Variants in NPIPB4 observed in about 807,000 individuals in gnomAD.
The protein encoded by NPIPB4 is nuclear pore complex-interacting protein family member B4.
For synonymous variants in NPIPB4, 31 were observed against 194.1 expected, an observed-to-expected ratio of 0.16 and a Z score of 6.99; for missense variants, 105 against 513.7, an observed-to-expected ratio of 0.20 and a Z score of 7.69.
At chr16:21,846,046 G>A (rs1328234890) in intron 3 of NPIPB4, among the ~76,000 whole-genome samples, 1 of 137,622 alleles carries the variant, frequency 7.3e-6, no homozygotes, top group South Asian at 2.6e-4. Context: ...ATGGTGGTGG[G>A]CACCTGCAAT....
At chr16:21,843,178 C>T (rs1157928298) in intron 5 of NPIPB4, among the ~76,000 whole-genome samples, 5 of 129,660 alleles carry the variant, frequency 3.9e-5, no homozygotes, top group Non-Finnish European at 6.5e-5. Flanking sequence ...ACTAGCAACT[C>T]CTCTTCCTCC....
chr16:21,850,503 G>A (rs897094841), intron 2 of NPIPB4, among the ~76,000 whole-genome samples: 3 of 151,788 alleles, frequency 2.0e-5, no homozygotes, highest in African/African-American at 7.3e-5. Context: ...ACAAAAATTA[G>A]CCAGGCGTGG....
intron 3 of NPIPB4, among the ~76,000 whole-genome samples, chr16:21,847,172 TA>T (rs1317043873): frequency 1.7e-4 from 8 of 46,112 alleles, no homozygotes; most frequent in Non-Finnish European, 3.2e-4. Context: ...GCACAAAGGT[TA>T]AAAAAACTTA....
At position 21,836,352 on chromosome 16, in the gene NPIPB4, C is replaced by T. The variant is rs200588171; in HGVS notation, c.2035G>A (p.Val679Ile). 606 of 571,678 alleles carry T rather than the reference C, an allele frequency of 1.1e-3. 1 individual carries two copies. Among genetic ancestry groups the T allele is most frequent in the African/African-American group, 6.6e-3 (110 of 16,596 alleles). The allele number at this position is 571,678 out of a possible 1,614,324, so 35.4% of individuals were successfully genotyped here. The change falls in exon 8 of 8, where the codon GTC (valine) becomes ATC (isoleucine). Residue 679 changes from valine (V) to isoleucine (I), a missense_variant. Physicochemically the swap from Val to Ile is conservative, Grantham distance 29. Coordinates refer to ENST00000682606, the MANE Select transcript of NPIPB4 (RefSeq NM_001384980.1). ...TGAGGGTGGAAGGGGAGTGAGCTGA[C>T]GCTCGGAAGGTGTCTTGAGATTATC... ...PMIISRHLPS[V>I]SSLPFHPQLH...
Position 21,837,210 on chromosome 16 carries a change from G to A in NPIPB4, c.1177C>T (p.Leu393Phe). The change falls in exon 8 of 8, where the codon CTC becomes TTC. Residue 393 changes from leucine (L) to phenylalanine (F), a missense_variant. Transcript: ENST00000682606. ...DNLKTPSERQ[L>F]TPLPPSAPPS... The stretch of plus-strand genomic sequence containing the variant: ...GGAGCTGAGGGTGGAAGGGGAGTGA[G>A]CTGACGCTCGGAAGGTGTCTTGAGA... 1 of 590,790 alleles carries A rather than the reference G, an allele frequency of 1.7e-6. No homozygotes were observed. The highest frequency in any genetic ancestry group is 2.5e-6 in the Non-Finnish European group (1 of 396,196). The allele number at this position is 590,790 out of a possible 1,614,324, so 36.6% of individuals were successfully genotyped here.
intron 2 of NPIPB4, among the ~76,000 whole-genome samples, chr16:21,850,546 G>A (rs778604605): frequency 0.042 from 6,159 of 145,148 alleles, 2 homozygotes; most frequent in South Asian, 0.11. Flanking sequence ...TTAGCCAGGC[G>A]TTGTAATCTG....
At chr16:21,840,506 A>T (rs1178742644) in intron 5 of NPIPB4, among the ~76,000 whole-genome samples, 2 of 150,280 alleles carry the variant, frequency 1.3e-5, no homozygotes, top group East Asian at 2.0e-4. Flanking sequence ...CTGGCATCTG[A>T]AGGCTGTGAT....
intron 2 of NPIPB4, among the ~76,000 whole-genome samples, chr16:21,850,456 C>G (rs1902411057): frequency 6.6e-6 from 1 of 152,104 alleles, no homozygotes; most frequent in East Asian, 1.9e-4. Context: ...GGAGACTATC[C>G]TGGCGAACAT....
Position 21,841,326 on chromosome 16 carries a change from C to T in NPIPB4, c.546-2016G>A, listed in dbSNP as rs375891430. Among the ~76,000 whole-genome samples, 1,175 of 135,294 alleles carry T rather than the reference C, an allele frequency of 8.7e-3. 22 individuals are homozygous for T. The highest frequency in any genetic ancestry group is 0.022 in the East Asian group (97 of 4,314). 88.8% of individuals were successfully genotyped at this position (135,294 alleles called of 152,430 possible). A position where few individuals can be genotyped will look rare whatever the true frequency, so the allele number is the denominator to read the frequency against. On this transcript the variant is annotated intron_variant, in intron 5 of 7. Transcript: ENST00000682606. ...TTCCCAGAACGCTAGGAAACAGGGG[C>T]GAAAACACTTCAAAGAGAAAGTTAA...
chr16:21,850,864 C>T (rs1416184572), intron 2 of NPIPB4, among the ~76,000 whole-genome samples: 1 of 23,976 alleles, frequency 4.2e-5, no homozygotes, highest in South Asian at 9.5e-4. Context: ...ATAACAGGTA[C>T]GCACCACCAG....
At position 21,836,020 on chromosome 16, in the gene NPIPB4, GC is replaced by G; in HGVS notation, c.2366del (p.Gly789AlafsTer8). On this transcript the variant is annotated frameshift_variant, in exon 8 of 8. Transcript: ENST00000682606. LOFTEE classifies it low-confidence loss of function (END_TRUNC). The stretch of plus-strand genomic sequence containing the variant: ...TTATCATCCGCTGAGGGTGGAAGCG[GC>G]CCCCGCAGACGCTCGGCAGGTGTCT... ...ISRHLPSVCG[G>X]RFHPQRMIIS... is the part of the protein sequence containing the mutation. 1 of 72,156 alleles carries G rather than the reference GC, an allele frequency of 1.4e-5. No individual in the cohort carries two copies. 4.5% of individuals were successfully genotyped at this position (72,156 alleles called of 1,614,324 possible).
At chr16:21,850,219 C>T (rs1166930753) in intron 2 of NPIPB4, among the ~76,000 whole-genome samples, 1 of 142,880 alleles carries the variant, frequency 7.0e-6, no homozygotes, top group Non-Finnish European at 1.6e-5. Context: ...TGATATTGCC[C>T]CATTGCACTC....
chr16:21,850,603 C>T (rs1288825280), intron 2 of NPIPB4, among the ~76,000 whole-genome samples: 112 of 116,106 alleles, frequency 9.6e-4, no homozygotes, highest in Middle Eastern at 6.0e-3. Flanking sequence ...ACCCCAGAAG[C>T]GGAGGTTGCA....
intron 2 of NPIPB4, among the ~76,000 whole-genome samples, chr16:21,850,604 G>T (rs1451868917): frequency 1.5e-5 from 2 of 131,732 alleles, no homozygotes; most frequent in East Asian, 4.4e-4. Flanking sequence ...CCCCAGAAGC[G>T]GAGGTTGCAG....
chr16:21,851,304 G>C (rs1902504996), intron 2 of NPIPB4: 3 of 176,464 alleles, frequency 1.7e-5, no homozygotes, highest in African/African-American at 1.4e-4. Flanking sequence ...AGGGGAAGGG[G>C]AGGGGAAGGG....
At chr16:21,850,778 G>C (rs1902461280) in intron 2 of NPIPB4, among the ~76,000 whole-genome samples, 1 of 65,006 alleles carries the variant, frequency 1.5e-5, no homozygotes, top group Non-Finnish European at 2.9e-5. Flanking sequence ...AGTGCAGCGG[G>C]GCCATCTCGG....
intron 2 of NPIPB4, among the ~76,000 whole-genome samples, chr16:21,850,342 G>A (rs1283806002): frequency 2.0e-5 from 3 of 149,442 alleles, no homozygotes; most frequent in African/African-American, 7.3e-5. Flanking sequence ...TCCAAAGTTA[G>A]TAAACTTACA....
Sources: gnomAD v4.1 joint callset for allele counts (sites outside exome capture counted in the v4.1 genomes callset) on GRCh38, gnomAD v4.1.1 for gene constraint, MANE v1.5 for transcripts, NCBI Gene and HGNC (gene_info 2026-07-23, HGNC 2026-07-21) for gene names.